Variants in SNX27 observed in about 807,000 individuals in gnomAD.
The protein encoded by SNX27 is sorting nexin 27.
SNX27 carries 22 observed loss-of-function variants against 71.6 expected under a neutral mutation model. That is an observed-to-expected ratio of 0.31 (90% confidence interval 0.22 to 0.44). SNX27 has a LOEUF of 0.44. Ranked by LOEUF, SNX27 falls within the 20% of genes least tolerant of loss-of-function variation. The probability of loss-of-function intolerance (pLI) is 1.00; values close to 1 mark genes in which losing one functional copy is unlikely to be tolerated. For missense variants in SNX27, 531 were observed against 698.6 expected (o/e 0.76, Z 2.70); for synonymous variants, 269 against 277.2 (o/e 0.97, Z 0.29).
chr1:151,626,382 A>T lies in SNX27; in HGVS notation c.312-12506A>T, dbSNP rs569198864. 2.8e-4 allele frequency among the ~76,000 whole-genome samples: 42 copies of T among 151,818 alleles called. 1 individual carries two copies. In the South Asian group the frequency reaches 8.5e-3, roughly 31 times the overall value. On this transcript the variant is annotated intron_variant, in intron 1 of 11. Transcript: ENST00000458013. ...TTATTTTGAGCCAAGACACTTTTAT[A>T]TTGTCTCTTTCTAAAAAAGAATAAT...
At chr1:151,669,649 A>G (rs1670371861) in intron 7 of SNX27, among the ~76,000 whole-genome samples, 1 of 152,122 alleles carries the variant, frequency 6.6e-6, no homozygotes, top group Admixed American at 6.5e-5. Flanking sequence ...TCCTGTTTCC[A>G]GTGTGAGAGT....
At chr1:151,645,085 C>A (rs1402718215) in intron 2 of SNX27, among the ~76,000 whole-genome samples, 1 of 151,682 alleles carries the variant, frequency 6.6e-6, no homozygotes, top group African/African-American at 2.4e-5. Context: ...CAGGTGTGAG[C>A]CCTTGACCAG....
chr1:151,667,745 T>C (rs1448343630), intron 6 of SNX27, among the ~76,000 whole-genome samples: 2 of 140,474 alleles, frequency 1.4e-5, no homozygotes, highest in South Asian at 2.2e-4. Context: ...GAGAATGGCG[T>C]GAACCTGGGA....
intron 7 of SNX27, among the ~76,000 whole-genome samples, chr1:151,672,830 A>G (rs1670500909): frequency 6.6e-6 from 1 of 151,542 alleles, no homozygotes; most frequent in African/African-American, 2.4e-5. Context: ...CAGTGTTGTA[A>G]TATCTCCTTT....
chr1:151,628,970 GT>G (rs1558038367), intron 1 of SNX27, among the ~76,000 whole-genome samples: 1 of 152,080 alleles, frequency 6.6e-6, no homozygotes, highest in Non-Finnish European at 1.5e-5. Flanking sequence ...CAGAGCAGAA[GT>G]TTTCAATTTT....
intron 1 of SNX27, chr1:151,629,550 T>G (rs1403054650): frequency 6.6e-6 from 1 of 150,674 alleles, no homozygotes; most frequent in Non-Finnish European, 1.5e-5. Context: ...TATATATGTT[T>G]GTATATATGT....
At chr1:151,677,051 T>G (rs113078563) in intron 7 of SNX27, 48 of 152,230 alleles carry the variant, frequency 3.2e-4, no homozygotes, top group African/African-American at 1.1e-3. Context: ...TATAATATAT[T>G]TTAATATCTG....
At chr1:151,634,280 T>C (rs1482804578) in intron 1 of SNX27, among the ~76,000 whole-genome samples, 2 of 152,214 alleles carry the variant, frequency 1.3e-5, no homozygotes, top group Non-Finnish European at 2.9e-5. Context: ...GAGAGACTAA[T>C]TACTTTTTTA....
At position 151,638,998 on chromosome 1, in the gene SNX27, A is replaced by T. The variant is rs1300183081; in HGVS notation, c.422A>T (p.Asp141Val). The T allele has an allele frequency of 8.4e-5, 135 of 1,614,096 alleles. No individual in the cohort carries two copies. The highest frequency in any genetic ancestry group is 1.1e-4 in the Non-Finnish European group (131 of 1,180,052). The change falls in exon 2 of 12, where the codon GAT (aspartate) becomes GTT (valine). Residue 141 changes from aspartate to valine, a missense_variant. Asp to Val is a radical substitution (Grantham distance 152). Around this residue, in one of 5 missense-constraint regions of SNX27, gnomAD observed 47 missense variants for 41.4 expected, o/e 1.13. Coordinates refer to ENST00000458013, the MANE Select transcript of SNX27 (RefSeq NM_001330723.2). ...TVLSVPPHEADNLDPSDDSLG... is the reference protein window; with the variant it reads ...TVLSVPPHEAVNLDPSDDSLG... The stretch of plus-strand genomic sequence containing the variant: ...TTATCTGTACCTCCTCATGAGGCAG[A>T]TAACCTAGATCCCAGTGACGACTCG...
At position 151,641,824 on chromosome 1, in the gene SNX27, T is replaced by TATCA. The variant is rs1491311308; in HGVS notation, c.543+2705_543+2706insATCA. ...GATATAGATATATATGAGATATATA[T>TATCA]GTCAGCTATAGATATATATGAGATA... On this transcript the variant is annotated intron_variant, in intron 2 of 11. Coordinates refer to ENST00000458013, the MANE Select transcript of SNX27 (RefSeq NM_001330723.2). Among the ~76,000 whole-genome samples the TATCA allele has an allele frequency of 2.9e-4, 41 of 140,460 alleles. 3 individuals are homozygous for TATCA. Among genetic ancestry groups the TATCA allele is most frequent in the Non-Finnish European group, 4.6e-4 (30 of 65,830 alleles). The allele number at this position is 140,460 out of a possible 152,430, so 92.1% of individuals were successfully genotyped here. A position where few individuals can be genotyped will look rare whatever the true frequency, so the allele number is the denominator to read the frequency against.
intron 1 of SNX27, 111 bp from the exon 2 acceptor site, chr1:151,638,777 G>A (rs1668585931): frequency 1.1e-6 from 1 of 931,688 alleles, no homozygotes; most frequent in African/African-American, 1.7e-5. Flanking sequence ...TTAATCTTTT[G>A]ACTTCATGGT....
chr1:151,687,253 A>T (rs1255348916), intron 8 of SNX27, among the ~76,000 whole-genome samples: 1 of 152,110 alleles, frequency 6.6e-6, no homozygotes, highest in African/African-American at 2.4e-5. Flanking sequence ...GTGTTTCTCT[A>T]CATAATTTGT....
At chr1:151,624,307 A>G (rs999011370) in intron 1 of SNX27, among the ~76,000 whole-genome samples, 6 of 151,722 alleles carry the variant, frequency 4.0e-5, no homozygotes, top group African/African-American at 1.5e-4. Flanking sequence ...CTAAGAGTGA[A>G]ATGGACAGGT....
At chr1:151,635,222 T>A (rs755612264) in intron 1 of SNX27, among the ~76,000 whole-genome samples, 5 of 152,320 alleles carry the variant, frequency 3.3e-5, no homozygotes, top group Admixed American at 6.5e-5. Flanking sequence ...ATTTATTGAG[T>A]AGTTACCATG....
intron 7 of SNX27, among the ~76,000 whole-genome samples, chr1:151,673,145 AG>A: frequency 6.6e-6 from 1 of 151,756 alleles, no homozygotes; most frequent in Middle Eastern, 3.2e-3. Context: ...TGTATCCCAT[AG>A]GTTTTGGCAT....
At chr1:151,668,711 G>GTC in intron 7 of SNX27, 76 bp downstream of exon 7, 1 of 1,398,628 alleles carries the variant, frequency 7.1e-7, no homozygotes, top group Non-Finnish European at 9.7e-7. Flanking sequence ...CCAATTCCCT[G>GTC]TAAATCCTTA....
At chr1:151,619,786 G>T (rs2102595514) in intron 1 of SNX27, among the ~76,000 whole-genome samples, 1 of 152,236 alleles carries the variant, frequency 6.6e-6, no homozygotes, top group African/African-American at 2.4e-5. Flanking sequence ...TACTCAGTTT[G>T]GTTCCACAAG....
At chr1:151,675,584 CCTATG>C (rs1670650986) in intron 7 of SNX27, among the ~76,000 whole-genome samples, 1 of 151,214 alleles carries the variant, frequency 6.6e-6, no homozygotes, top group South Asian at 2.1e-4. Flanking sequence ...ATGGGTTTTC[CCTATG>C]TTGCTGGGGC....
intron 1 of SNX27, chr1:151,615,745 T>G: frequency 1.0e-6 from 1 of 983,664 alleles, no homozygotes; most frequent in Non-Finnish European, 1.2e-6. Context: ...TTCTATTGTG[T>G]TTACAAATTG....
Sources: allele counts gnomAD v4.1 joint callset (sites outside exome capture counted in the v4.1 genomes callset), GRCh38; gene constraint gnomAD v4.1.1; regional missense constraint gnomAD v4.1.1; transcripts MANE v1.5; gene names NCBI Gene and HGNC (gene_info 2026-07-23, HGNC 2026-07-21).